ELAVL2: variants seen among roughly 807,000 people sequenced by gnomAD.
The protein encoded by ELAVL2 is ELAV like RNA binding protein 2, also known as ELAV-like protein 2.
In ELAVL2, 4 loss-of-function variants were observed where a neutral mutation model predicts 34.6. That is an observed-to-expected ratio of 0.12 (90% CI 0.06 to 0.26). ELAVL2 has a LOEUF of 0.26. ELAVL2 is among the 10% of genes least tolerant of loss of function. The pLI, the probability that ELAVL2 is intolerant of heterozygous loss-of-function variation, is 1.00. For synonymous variants in ELAVL2, 193 were observed against 154.8 expected, an observed-to-expected ratio of 1.25 and a Z score of -1.83; for missense variants, 432 against 442.8, an observed-to-expected ratio of 0.98 and a Z score of 0.22.
intron 1 of ELAVL2, among the ~76,000 whole-genome samples, chr9:23,796,936 T>C (rs1042122829): frequency 1.6e-4 from 25 of 152,254 alleles, no homozygotes; most frequent in East Asian, 9.7e-4. Context: ...AAGGATGCAT[T>C]TGAGAGATAG....
At chr9:23,754,535 T>C (rs2053052314) in intron 2 of ELAVL2, among the ~76,000 whole-genome samples, 1 of 152,120 alleles carries the variant, frequency 6.6e-6, no homozygotes, top group African/African-American at 2.4e-5. Flanking sequence ...CTCAGTTCAC[T>C]GCAACCTCTG....
At chr9:23,785,767 G>A (rs1012389444) in intron 1 of ELAVL2, among the ~76,000 whole-genome samples, 1 of 152,210 alleles carries the variant, frequency 6.6e-6, no homozygotes, top group Admixed American at 6.5e-5. Flanking sequence ...TCCAGTCTGA[G>A]CAGAATAACA....
the ELAVL2 span, among the ~76,000 whole-genome samples, chr9:23,844,866 G>T: frequency 1.3e-5 from 2 of 151,950 alleles, no homozygotes; most frequent in African/African-American, 2.4e-5. Context: ...AAAATGTGAT[G>T]ACTTCATATT....
At position 23,690,359 on chromosome 9, in the gene ELAVL2, T is replaced by C. The variant is rs761279515; in HGVS notation, c.*2198A>G. The stretch of plus-strand genomic sequence containing the variant: ...AATGCCTTGGTTTGCTACAGTAGTA[T>C]AGGAAAGAAGCATGTAGCTGCTGTT... On this transcript the variant is annotated 3_prime_UTR_variant, in exon 7 of 7. Coordinates refer to ENST00000397312, the MANE Select transcript of ELAVL2 (RefSeq NM_004432.5). The C allele has an allele frequency of 1.3e-5, 2 of 152,608 alleles. No homozygotes were observed. The highest frequency in any genetic ancestry group is 2.9e-5 in the Non-Finnish European group (2 of 68,022). The allele number at this position is 152,608 out of a possible 1,614,324, so 9.5% of individuals were successfully genotyped here. A position where few individuals can be genotyped will look rare whatever the true frequency, so the allele number is the denominator to read the frequency against.
chr9:23,716,544 G>A (rs1479153906), intron 3 of ELAVL2, among the ~76,000 whole-genome samples: 4 of 151,880 alleles, frequency 2.6e-5, no homozygotes, highest in Admixed American at 6.6e-5. Flanking sequence ...GACTTTTTTC[G>A]TCTTTGAGCA....
intron 3 of ELAVL2, among the ~76,000 whole-genome samples, chr9:23,730,620 A>G (rs2046295001): frequency 6.6e-6 from 1 of 152,166 alleles, no homozygotes; most frequent in Non-Finnish European, 1.5e-5. Context: ...TACTGCTTTC[A>G]TACTATAAAG....
intron 1 of ELAVL2, among the ~76,000 whole-genome samples, chr9:23,823,296 G>A (rs562845035): frequency 1.3e-5 from 2 of 152,222 alleles, no homozygotes; most frequent in Non-Finnish European, 2.9e-5. Flanking sequence ...TTTCCAAAAC[G>A]TTAGGCGAAA....
intron 1 of ELAVL2, among the ~76,000 whole-genome samples, chr9:23,800,366 G>T (rs982536860): frequency 3.9e-5 from 6 of 152,102 alleles, no homozygotes; most frequent in African/African-American, 1.4e-4. Flanking sequence ...TCATGCAGGG[G>T]CCTAAGTGCA....
chr9:23,792,034 T>C (rs937963827), intron 1 of ELAVL2, among the ~76,000 whole-genome samples: 6 of 152,328 alleles, frequency 3.9e-5, no homozygotes, highest in African/African-American at 1.4e-4. Context: ...AACTTTGTAA[T>C]GGTGCAAGAT....
At chr9:23,843,696 C>A in the ELAVL2 span, among the ~76,000 whole-genome samples, 1 of 152,152 alleles carries the variant, frequency 6.6e-6, no homozygotes, top group Admixed American at 6.6e-5. Flanking sequence ...GCCCAGATCA[C>A]AGGCAATCTC....
At chr9:23,822,425 A>G (rs990594541) in intron 1 of ELAVL2, among the ~76,000 whole-genome samples, 5 of 152,070 alleles carry the variant, frequency 3.3e-5, no homozygotes, top group Non-Finnish European at 5.9e-5. Context: ...CGACTATGCA[A>G]ACGCTTGCCG....
chr9:23,795,487 G>A (rs1389972711), intron 1 of ELAVL2, among the ~76,000 whole-genome samples: 1 of 152,120 alleles, frequency 6.6e-6, no homozygotes, highest in Non-Finnish European at 1.5e-5. Flanking sequence ...AGGCTGCAGT[G>A]AGCCGAGATC....
At chr9:23,705,137 A>G in intron 3 of ELAVL2, 66 bp from the exon 4 acceptor site, 2 of 1,581,124 alleles carry the variant, frequency 1.3e-6, no homozygotes, top group Non-Finnish European at 8.6e-7. Flanking sequence ...TTAGAAACTC[A>G]AAAACTGCCT....
intron 1 of ELAVL2, among the ~76,000 whole-genome samples, chr9:23,771,037 G>T (rs1032386393): frequency 2.6e-5 from 4 of 152,188 alleles, no homozygotes; most frequent in Admixed American, 1.3e-4. Flanking sequence ...AAGGTTTTCA[G>T]CAAAAGAGTA....
rs770623526 is a variant in ELAVL2, at chr9:23,701,402, T to A, written c.690A>T (p.Leu230=). The A allele has an allele frequency of 6.2e-7, 1 of 1,614,112 alleles. No individual in the cohort carries two copies. Among genetic ancestry groups the A allele is most frequent in the Admixed American group, 1.7e-5 (1 of 60,016 alleles). Reference sequence around the variant, plus strand: ...ACCTAAAACGCTGTGCCTGCTGAGCTAGCGGTCCTGGATACCTTCTGTTTG... The same window carrying A: ...ACCTAAAACGCTGTGCCTGCTGAGCAAGCGGTCCTGGATACCTTCTGTTTG... The part of the protein sequence containing the change: ...QSPNRRYPGP[L]AQQAQRFRLD... Residue 230 remains leucine (L), a synonymous_variant, in exon 5 of 7, where the codon CTA becomes CTT. Transcript: ENST00000397312.
chr9:23,794,994 A>G (rs2060741562), intron 1 of ELAVL2, among the ~76,000 whole-genome samples: 2 of 152,226 alleles, frequency 1.3e-5, no homozygotes, highest in Non-Finnish European at 2.9e-5. Context: ...ATGCACACCT[A>G]CAAAACATCT....
rs75889486 is a variant in ELAVL2, at chr9:23,792,665, A to G, written c.-15-30416T>C. Among the ~76,000 whole-genome samples, 16 of 152,232 alleles carry G rather than the reference A, an allele frequency of 1.1e-4. 1 individual carries two copies. The East Asian group carries it at 3.1e-3, about 29-fold the overall frequency. On this transcript the variant is annotated intron_variant, in intron 1 of 6. Coordinates refer to ENST00000397312, the MANE Select transcript of ELAVL2 (RefSeq NM_004432.5). ...CTTTTTAACTTTCTAATCCATCCCTAATGTTTTCTCCCAACTTCTCAAGCC... is the reference window on the plus strand; with the variant it reads ...CTTTTTAACTTTCTAATCCATCCCTGATGTTTTCTCCCAACTTCTCAAGCC...
chr9:23,748,359 T>C (rs1308638480), intron 2 of ELAVL2, among the ~76,000 whole-genome samples: 13 of 152,158 alleles, frequency 8.5e-5, no homozygotes. Flanking sequence ...TTACACACTG[T>C]GTCCTGTGTC....
chr9:23,845,671 C>T, the ELAVL2 span, among the ~76,000 whole-genome samples: 16 of 151,416 alleles, frequency 1.1e-4, no homozygotes, highest in South Asian at 2.7e-3. Flanking sequence ...TGATTAATTT[C>T]GATGGTTTCA....
Sources: allele counts gnomAD v4.1 joint callset (sites outside exome capture counted in the v4.1 genomes callset), GRCh38; gene constraint gnomAD v4.1.1; transcripts MANE v1.5; gene names NCBI Gene and HGNC (gene_info 2026-07-23, HGNC 2026-07-21).